The following PCDHGA8 variants were observed in gnomAD, a reference collection of about 807,000 sequenced individuals.
PCDHGA8 encodes protocadherin gamma subfamily A, 8.
PCDHGA8 carries 45 observed loss-of-function variants against 59.2 expected under a neutral mutation model. That is an observed-to-expected ratio of 0.76 (90% CI 0.60 to 0.98). The LOEUF is 0.98. PCDHGA8 is among the 50% of genes least tolerant of loss of function. PCDHGA8 has a pLI of 0.00. For synonymous variants in PCDHGA8, 531 were observed against 519.0 expected (o/e 1.02, Z -0.32); for missense variants, 1,257 against 1,196.2 (o/e 1.05, Z -0.75).
chr5:141,500,051 C>A (rs991931153), intron 2 of PCDHGA8, among the ~76,000 whole-genome samples: 1 of 151,988 alleles, frequency 6.6e-6, no homozygotes, highest in Non-Finnish European at 1.5e-5. Context: ...TATCTTAATG[C>A]TCTTTTAATG....
chr5:141,468,677 T>A (rs545029270), intron 1 of PCDHGA8: 1 of 150,902 alleles, frequency 6.6e-6, no homozygotes, highest in African/African-American at 2.4e-5. Flanking sequence ...CCATCCTGGC[T>A]AACACGGTGA....
intron 1 of PCDHGA8, chr5:141,428,251 T>C (rs761574102): frequency 1.1e-5 from 10 of 893,496 alleles, no homozygotes; most frequent in Middle Eastern, 2.1e-4. Flanking sequence ...ACTGCCAGAC[T>C]TCAGTGACAG....
chr5:141,472,878 C>G (rs774209715), intron 1 of PCDHGA8, among the ~76,000 whole-genome samples: 1 of 146,132 alleles, frequency 6.8e-6, no homozygotes, highest in East Asian at 2.1e-4. Context: ...CCCAGCTACT[C>G]GGGAGGCTGA....
At chr5:141,464,264 A>G (rs1357786078) in intron 1 of PCDHGA8, among the ~76,000 whole-genome samples, 2 of 130,598 alleles carry the variant, frequency 1.5e-5, no homozygotes, top group East Asian at 4.2e-4. Flanking sequence ...GACTCCGTCT[A>G]AAAAAAAAAA....
intron 1 of PCDHGA8, among the ~76,000 whole-genome samples, chr5:141,400,862 A>C (rs1239905125): frequency 6.6e-6 from 1 of 152,224 alleles, no homozygotes; most frequent in African/African-American, 2.4e-5. Context: ...TTGTATGTAG[A>C]TAAACCATTA....
Position 141,436,164 on chromosome 5 carries a change from A to G in PCDHGA8, c.2424+40927A>G, listed in dbSNP as rs896845015. Among the ~76,000 whole-genome samples, 8 of 152,188 alleles carry G rather than the reference A, an allele frequency of 5.3e-5. No homozygotes were observed. The East Asian group carries it at 1.3e-3, about 26-fold the overall frequency. ...AACTACCAAAATGTTTATCATATGG[A>G]CAGTTCTCATATATAGTCAAATAGA... On this transcript the variant is annotated intron_variant, in intron 1 of 3. Transcript: ENST00000398604.
intron 1 of PCDHGA8, chr5:141,428,419 C>G: frequency 4.4e-6 from 2 of 451,920 alleles, no homozygotes; most frequent in Non-Finnish European, 4.1e-6. Flanking sequence ...TCACCCTGGT[C>G]TCTGTTCTAA....
chr5:141,486,823 A>G lies in PCDHGA8; in HGVS notation c.2425-7984A>G, dbSNP rs778308736. On this transcript the variant is annotated intron_variant, in intron 1 of 3. Coordinates refer to ENST00000398604, the MANE Select transcript of PCDHGA8 (RefSeq NM_032088.2). The surrounding 1 kb of genome is among the most constrained non-coding windows in gnomAD (Gnocchi z 5.0). Reference sequence around the variant, plus strand: ...ACCCACCCCTTAGCAGCACTGTAACAGTTCGTCTATTTGTGCTGGACCTCA... The same window carrying G: ...ACCCACCCCTTAGCAGCACTGTAACGGTTCGTCTATTTGTGCTGGACCTCA... 1.2e-6 allele frequency: 2 copies of G among 1,614,104 alleles called. No individual in the cohort carries two copies. Among genetic ancestry groups the G allele is most frequent in the Admixed American group, 1.7e-5 (1 of 60,008 alleles).
rs747077639 is a variant in PCDHGA8, at chr5:141,432,371, G to C, written c.2424+37134G>C. 2 of 1,614,234 alleles carry C rather than the reference G, an allele frequency of 1.2e-6. No individual in the cohort carries two copies. The highest frequency in any genetic ancestry group is 1.6e-4 in the Middle Eastern group (1 of 6,062). ...AGTGAAAGTGATGGCGCGGGACAAC[G>C]GGCACCCGCCCCTCAGCAGCAACGT... On this transcript the variant is annotated intron_variant, in intron 1 of 3. Transcript: ENST00000398604. The surrounding 1 kb of genome is among the most constrained non-coding windows in gnomAD (Gnocchi z 6.0).
At chr5:141,405,256 G>GATGTGATGCTCT (rs1316160577) in intron 1 of PCDHGA8, 2 of 1,614,050 alleles carry the variant, frequency 1.2e-6, no homozygotes, top group Non-Finnish European at 1.7e-6. Flanking sequence ...AGAGTCACCT[G>GATGTGATGCTCT]ATCTTCCCCC....
rs182132552 is a variant in PCDHGA8 at position 141,435,146 on chromosome 5, T to A, written c.2424+39909T>A. Among the ~76,000 whole-genome samples the A allele has an allele frequency of 4.6e-3, 696 of 152,288 alleles. 5 individuals carry two copies. Among genetic ancestry groups the A allele is most frequent in the African/African-American group, 0.016 (677 of 41,554 alleles). ...ATGGAAAATATAAATAAAATTGTGA[T>A]AAACTTTTGTAAATAGAGTGGCTTT... On this transcript the variant is annotated intron_variant, in intron 1 of 3. Transcript: ENST00000398604.
chr5:141,400,181 A>C, intron 1 of PCDHGA8: 3 of 1,614,034 alleles, frequency 1.9e-6, no homozygotes, highest in Non-Finnish European at 2.5e-6. Context: ...GCTGAGCTGC[A>C]GTTTTACCTA....
intron 1 of PCDHGA8, chr5:141,422,304 A>G: frequency 6.5e-7 from 1 of 1,548,524 alleles, no homozygotes; most frequent in Non-Finnish European, 8.7e-7. Context: ...CAATTCTGGA[A>G]AACTCTCCTC....
At position 141,431,612 on chromosome 5, in the gene PCDHGA8, G is replaced by A. The variant is rs79883194; in HGVS notation, c.2424+36375G>A. 1.9e-6 allele frequency: 3 copies of A among 1,614,126 alleles called. No homozygotes were observed. The highest frequency in any genetic ancestry group is 2.5e-6 in the Non-Finnish European group (3 of 1,180,052). ...AGTGAGGTATTCCTTCCGGTATGTG[G>A]ACGACAAGGCGGCCCAAGTTTTCAA... On this transcript the variant is annotated intron_variant, in intron 1 of 3. Coordinates refer to ENST00000398604, the MANE Select transcript of PCDHGA8 (RefSeq NM_032088.2). This position sits in a 1 kb window ranked among gnomAD's most constrained non-coding sequence, Gnocchi z 4.8.
chr5:141,426,238 T>C, intron 1 of PCDHGA8: 1 of 158,644 alleles, frequency 6.3e-6, no homozygotes, highest in Admixed American at 5.9e-5. Context: ...AAGCACTTTG[T>C]GAAACATTTT....
intron 1 of PCDHGA8, chr5:141,428,863 T>C (rs1160939898): frequency 6.7e-6 from 1 of 149,182 alleles, no homozygotes; most frequent in African/African-American, 2.4e-5. Context: ...CGGGAGACTT[T>C]TTTTTTTTTT....
Position 141,432,226 on chromosome 5 carries a change from T to C in PCDHGA8, c.2424+36989T>C. On this transcript the variant is annotated intron_variant, in intron 1 of 3. Coordinates refer to ENST00000398604, the MANE Select transcript of PCDHGA8 (RefSeq NM_032088.2). The surrounding 1 kb of genome is among the most constrained non-coding windows in gnomAD (Gnocchi z 6.0). ...GTGAAGAGAACGCCCAGATCACTTATTCCCTGGCTGAGAACACCATCCAAG... is the reference window on the plus strand; with the variant it reads ...GTGAAGAGAACGCCCAGATCACTTACTCCCTGGCTGAGAACACCATCCAAG... 4 of 1,614,198 alleles carry C rather than the reference T, an allele frequency of 2.5e-6. No individual in the cohort carries two copies. The highest frequency in any genetic ancestry group is 3.4e-6 in the Non-Finnish European group (4 of 1,180,028).
At chr5:141,449,500 A>G (rs1034917703) in intron 1 of PCDHGA8, among the ~76,000 whole-genome samples, 6 of 151,300 alleles carry the variant, frequency 4.0e-5, no homozygotes, top group African/African-American at 1.5e-4. Flanking sequence ...GAGGCATGAG[A>G]AATGCTTGAA....
intron 1 of PCDHGA8, chr5:141,478,265 G>C: frequency 1.2e-6 from 2 of 1,614,196 alleles, no homozygotes; most frequent in Non-Finnish European, 1.7e-6. Flanking sequence ...CATATTCAAA[G>C]TTTACAAGTG....
Sources: allele counts gnomAD v4.1 joint callset (sites outside exome capture counted in the v4.1 genomes callset), GRCh38; gene constraint gnomAD v4.1.1; non-coding constraint Gnocchi (gnomAD v3.1); transcripts MANE v1.5; gene names NCBI Gene and HGNC (gene_info 2026-07-23, HGNC 2026-07-21).